The following OTOGL variants were observed in gnomAD, a reference collection of about 807,000 sequenced individuals.
OTOGL encodes the protein otogelin-like protein.
In OTOGL, 285 loss-of-function variants were observed where a neutral mutation model predicts 318.5. The ratio of observed to expected loss-of-function variants is 0.89; its 90% CI spans 0.81 to 0.99. OTOGL has a LOEUF of 0.99. Ranked by LOEUF, OTOGL falls within the 50% of genes least tolerant of loss-of-function variation. OTOGL has a pLI of 0.00. For missense variants in OTOGL, 2,899 were observed against 2,845.6 expected (o/e 1.02, Z -0.43); for synonymous variants, 987 against 936.5 (o/e 1.05, Z -0.99).
intron 26 of OTOGL, among the ~76,000 whole-genome samples, chr12:80,290,277 A>G (rs548177310): frequency 6.6e-6 from 1 of 151,238 alleles, no homozygotes; most frequent in African/African-American, 2.4e-5. Context: ...GAAATGCAGA[A>G]ATCACCCACC....
chr12:80,155,741 T>C (rs1320982312), intron 1 of OTOGL, among the ~76,000 whole-genome samples: 2 of 152,352 alleles, frequency 1.3e-5, no homozygotes, highest in Non-Finnish European at 2.9e-5. Context: ...TTTATACCCA[T>C]TAATCATCCC....
rs532216726 is a variant in OTOGL, at chr12:80,220,010, A to G, written c.334+98A>G. The G allele has an allele frequency of 4.6e-6, 4 of 876,434 alleles. No homozygotes were observed. The South Asian group carries it at 6.4e-5, about 14-fold the overall frequency. 54.3% of individuals were successfully genotyped at this position (876,434 alleles called of 1,614,324 possible). A position where few individuals can be genotyped will look rare whatever the true frequency, so the allele number is the denominator to read the frequency against. On this transcript the variant is annotated intron_variant, in intron 6 of 58. Transcript: ENST00000547103. ...AATGTTCATCCATTGGGAGTTGTAT[A>G]TTAACTAGAGAGCCCACAATTCATT...
chr12:80,258,103 C>T (rs1006387946), intron 18 of OTOGL, 101 bp downstream of exon 18: 2 of 1,039,786 alleles, frequency 1.9e-6, no homozygotes, highest in African/African-American at 3.3e-5. Flanking sequence ...GCTTAGCTGT[C>T]ATTATCCCAA....
At chr12:80,299,619 A>G (rs1330363728) in intron 27 of OTOGL, among the ~76,000 whole-genome samples, 1 of 151,578 alleles carries the variant, frequency 6.6e-6, no homozygotes, top group Non-Finnish European at 1.5e-5. Context: ...AGAAAAAAAA[A>G]AAAAACCACC....
intron 1 of OTOGL, among the ~76,000 whole-genome samples, chr12:80,159,752 T>A (rs1384493875): frequency 6.6e-6 from 1 of 152,012 alleles, no homozygotes; most frequent in Non-Finnish European, 1.5e-5. Flanking sequence ...AAAAAAATCC[T>A]AAAATTCATA....
chr12:80,120,414 C>G (rs906336391), intron 1 of OTOGL, among the ~76,000 whole-genome samples: 3 of 152,026 alleles, frequency 2.0e-5, no homozygotes, highest in African/African-American at 7.2e-5. Flanking sequence ...AAAAAAGTTA[C>G]ATACCTGTTG....
intron 21 of OTOGL, among the ~76,000 whole-genome samples, 152 bp from the exon 22 acceptor site, chr12:80,267,101 A>G (rs1883037590): frequency 6.6e-6 from 1 of 152,154 alleles, no homozygotes; most frequent in Non-Finnish European, 1.5e-5. Context: ...AGCTTTTGCC[A>G]TTTGTGTAAT....
rs887532033 is a variant in OTOGL, at chr12:80,347,656, T to C, written c.5266-4639T>C. Among the ~76,000 whole-genome samples, 4 of 152,172 alleles carry C rather than the reference T, an allele frequency of 2.6e-5. No individual in the cohort carries two copies. The East Asian group carries it at 7.7e-4, about 29-fold the overall frequency. The stretch of plus-strand genomic sequence containing the variant: ...GATACCCAGTAATGGGATTGCTGGG[T>C]CAAATGGTATTTCTGGTTCTAGATC... On this transcript the variant is annotated intron_variant, in intron 44 of 58. Coordinates refer to ENST00000547103, the MANE Select transcript of OTOGL (RefSeq NM_001378609.3).
chr12:80,337,906 T>C (rs1464248496), intron 42 of OTOGL, among the ~76,000 whole-genome samples: 1 of 152,002 alleles, frequency 6.6e-6, no homozygotes, highest in Non-Finnish European at 1.5e-5. Flanking sequence ...TTGAGTTCGA[T>C]GAGGTTGATA....
At chr12:80,106,394 A>G (rs1000277316) in intron 1 of OTOGL, among the ~76,000 whole-genome samples, 6 of 152,124 alleles carry the variant, frequency 3.9e-5, no homozygotes, top group African/African-American at 1.2e-4. Context: ...TTATTTCTCA[A>G]TGGTTTGACA....
chr12:80,236,799 TTTTTTC>T (rs1263911167), intron 9 of OTOGL, among the ~76,000 whole-genome samples: 1 of 149,686 alleles, frequency 6.7e-6, no homozygotes, highest in Non-Finnish European at 1.5e-5. Context: ...TTGTTTTTCT[TTTTTTC>T]TTTTTCTTTT....
At chr12:80,336,364 A>C (rs1445730818) in intron 39 of OTOGL, 49 bp from the exon 40 acceptor site, 3 of 1,503,004 alleles carry the variant, frequency 2.0e-6, no homozygotes, top group African/African-American at 1.4e-5. Flanking sequence ...ATTATTACTG[A>C]AAATGCAGAT....
intron 24 of OTOGL, among the ~76,000 whole-genome samples, chr12:80,272,480 G>A (rs759826603): frequency 4.3e-4 from 65 of 152,072 alleles, no homozygotes; most frequent in Non-Finnish European, 7.9e-4. Context: ...CCTAGTGCAC[G>A]TGAAAGACAA....
At chr12:80,216,053 G>A (rs936852838) in intron 4 of OTOGL, among the ~76,000 whole-genome samples, 1 of 152,070 alleles carries the variant, frequency 6.6e-6, no homozygotes, top group African/African-American at 2.4e-5. Flanking sequence ...GATGGCATGC[G>A]CCTGCAGTCC....
At chr12:80,309,499 T>A (rs2137782309) in intron 29 of OTOGL, among the ~76,000 whole-genome samples, 1 of 152,212 alleles carries the variant, frequency 6.6e-6, no homozygotes, top group South Asian at 2.1e-4. Context: ...TTCAAAAAGT[T>A]AATTTTGGTT....
intron 18 of OTOGL, among the ~76,000 whole-genome samples, chr12:80,260,551 A>G (rs1264975420): frequency 6.6e-6 from 1 of 152,142 alleles, no homozygotes; most frequent in Non-Finnish European, 1.5e-5. Flanking sequence ...TAGCTTTCCA[A>G]CTTAAGTAGT....
chr12:80,364,143 A>C (rs567055375), intron 52 of OTOGL, among the ~76,000 whole-genome samples: 1 of 152,282 alleles, frequency 6.6e-6, no homozygotes, highest in East Asian at 1.9e-4. Flanking sequence ...CACAGAACGT[A>C]ACTAGTAGCT....
At chr12:80,234,783 T>C (rs1879689918) in intron 9 of OTOGL, among the ~76,000 whole-genome samples, 1 of 152,278 alleles carries the variant, frequency 6.6e-6, no homozygotes, top group African/African-American at 2.4e-5. Context: ...ATCGTCAGGA[T>C]TAGTTTACTA....
chr12:80,375,685 C>T lies in OTOGL; in HGVS notation c.6782-1438C>T, dbSNP rs151260421. On this transcript the variant is annotated intron_variant, in intron 57 of 58. Transcript: ENST00000547103. ...GAAATAGCAAAATGTGGCTATTGCACGGAAAGTGAGAGGAGGAAGGTGATA... is the reference window on the plus strand; with the variant it reads ...GAAATAGCAAAATGTGGCTATTGCATGGAAAGTGAGAGGAGGAAGGTGATA... Among the ~76,000 whole-genome samples, 499 of 151,804 alleles carry T rather than the reference C, an allele frequency of 3.3e-3. 3 individuals are homozygous for T. Among genetic ancestry groups the T allele is most frequent in the Non-Finnish European group, 5.1e-3 (345 of 67,956 alleles).
Sources: gnomAD v4.1 joint callset for allele counts (sites outside exome capture counted in the v4.1 genomes callset) on GRCh38, gnomAD v4.1.1 for gene constraint, MANE v1.5 for transcripts, NCBI Gene and HGNC (gene_info 2026-07-23, HGNC 2026-07-21) for gene names.